DACH1: variants seen among roughly 807,000 people sequenced by gnomAD.
DACH1 encodes dachshund family transcription factor 1.
DACH1 carries 12 observed loss-of-function variants against 54.2 expected under a neutral mutation model. That is an observed-to-expected ratio of 0.22 (90% CI 0.14 to 0.36). The LOEUF (loss-of-function observed/expected upper bound fraction) is 0.36. DACH1 is among the 10% of genes least tolerant of loss of function. The pLI is 1.00. For missense variants in DACH1, 805 were observed against 929.8 expected (o/e 0.87, Z 1.75); for synonymous variants, 386 against 366.2 (o/e 1.05, Z -0.62).
intron 1 of DACH1, among the ~76,000 whole-genome samples, chr13:71,737,551 T>C (rs1884193874): frequency 6.6e-6 from 1 of 152,220 alleles, no homozygotes; most frequent in Non-Finnish European, 1.5e-5. Flanking sequence ...TTGGAAACCA[T>C]ACTAAGCCTT....
chr13:71,810,826 T>C (rs960982840), intron 1 of DACH1, among the ~76,000 whole-genome samples: 1 of 152,190 alleles, frequency 6.6e-6, no homozygotes, highest in African/African-American at 2.4e-5. Context: ...GATTTTATGA[T>C]ACAGTACATT....
At chr13:71,743,480 T>C (rs185153361) in intron 1 of DACH1, among the ~76,000 whole-genome samples, 1 of 152,320 alleles carries the variant, frequency 6.6e-6, no homozygotes, top group East Asian at 1.9e-4. Flanking sequence ...GTTTTGCTTT[T>C]TCGCACAGTC....
At chr13:71,709,501 T>TAGTATAC (rs1247903792) in intron 1 of DACH1, among the ~76,000 whole-genome samples, 1 of 151,984 alleles carries the variant, frequency 6.6e-6, no homozygotes, top group African/African-American at 2.4e-5. Flanking sequence ...ATACCCACTC[T>TAGTATAC]TTAGTCACTT....
chr13:71,830,799 C>A (rs1888556327), intron 1 of DACH1, among the ~76,000 whole-genome samples: 1 of 151,828 alleles, frequency 6.6e-6, no homozygotes, highest in African/African-American at 2.4e-5. Context: ...ATCTTATTTA[C>A]TTTTGGATTT....
At chr13:71,561,827 C>T (rs566457915) in intron 4 of DACH1, among the ~76,000 whole-genome samples, 23 of 152,156 alleles carry the variant, frequency 1.5e-4, no homozygotes, top group African/African-American at 5.1e-4. Context: ...TGCCAATAAA[C>T]ATCTTCAACA....
chr13:71,836,349 AT>A (rs1226945436), intron 1 of DACH1, among the ~76,000 whole-genome samples: 6 of 152,096 alleles, frequency 3.9e-5, no homozygotes, highest in African/African-American at 1.4e-4. Context: ...AGTGCTTAAT[AT>A]GCATAATTTC....
At chr13:71,631,287 GA>G (rs1292171702) in intron 2 of DACH1, among the ~76,000 whole-genome samples, 4 of 152,076 alleles carry the variant, frequency 2.6e-5, no homozygotes, top group Non-Finnish European at 5.9e-5. Context: ...TCATCCTCCT[GA>G]AAAAAGCTAC....
intron 1 of DACH1, among the ~76,000 whole-genome samples, chr13:71,816,048 G>GCA (rs1216788087): frequency 2.0e-5 from 3 of 151,836 alleles, no homozygotes. Context: ...TCGCGCCACT[G>GCA]CACTCCAGCC....
chr13:71,621,940 T>A (rs1876275817), intron 3 of DACH1, among the ~76,000 whole-genome samples: 1 of 152,070 alleles, frequency 6.6e-6, no homozygotes, highest in Non-Finnish European at 1.5e-5. Flanking sequence ...TGTGTTTCCA[T>A]TATGACCTGC....
At chr13:71,628,027 G>C (rs1476396008) in intron 3 of DACH1, among the ~76,000 whole-genome samples, 2 of 152,032 alleles carry the variant, frequency 1.3e-5, no homozygotes, top group Non-Finnish European at 2.9e-5. Flanking sequence ...AATGTGACAA[G>C]TATTTTAATT....
At chr13:71,634,877 C>G (rs186576768) in intron 2 of DACH1, among the ~76,000 whole-genome samples, 99 of 152,268 alleles carry the variant, frequency 6.5e-4, no homozygotes, top group African/African-American at 2.3e-3. Flanking sequence ...TCTGGTTAAT[C>G]TTACTATTCT....
At chr13:71,673,122 G>T (rs2138680834) in intron 2 of DACH1, among the ~76,000 whole-genome samples, 1 of 152,264 alleles carries the variant, frequency 6.6e-6, no homozygotes, top group Non-Finnish European at 1.5e-5. Flanking sequence ...CTGGAAGAGA[G>T]AAATAAATTA....
chr13:71,471,428 T>C (rs1159207357), intron 10 of DACH1, among the ~76,000 whole-genome samples: 1 of 151,920 alleles, frequency 6.6e-6, no homozygotes, highest in Non-Finnish European at 1.5e-5. Context: ...TCTGAGTGGA[T>C]TGGAAAAATG....
At chr13:71,731,289 T>TC (rs1189385707) in intron 1 of DACH1, among the ~76,000 whole-genome samples, 6 of 147,764 alleles carry the variant, frequency 4.1e-5, no homozygotes, top group Admixed American at 2.7e-4. Flanking sequence ...TTCTTGATCT[T>TC]CTTTTTTTTT....
chr13:71,674,788 G>GA (rs375954610), intron 2 of DACH1, among the ~76,000 whole-genome samples: 1,419 of 34,090 alleles, frequency 0.042, 13 homozygotes, highest in African/African-American at 0.13. Flanking sequence ...TTACAAAAAG[G>GA]AAAAAAAAAA....
chr13:71,533,832 C>T (rs1275133558), intron 6 of DACH1, among the ~76,000 whole-genome samples: 2 of 151,722 alleles, frequency 1.3e-5, no homozygotes, highest in African/African-American at 2.4e-5. Context: ...TAAAAGAGTA[C>T]TGAGGAATAG....
intron 2 of DACH1, among the ~76,000 whole-genome samples, chr13:71,677,220 G>T (rs1456831480): frequency 2.0e-5 from 3 of 152,170 alleles, no homozygotes; most frequent in East Asian, 1.9e-4. Context: ...TTGCTAGGAT[G>T]AATTATTTCA....
intron 1 of DACH1, among the ~76,000 whole-genome samples, chr13:71,847,227 G>T (rs1236139659): frequency 6.6e-6 from 1 of 151,864 alleles, no homozygotes; most frequent in Non-Finnish European, 1.5e-5. Context: ...TCATTTGTTT[G>T]TTTTTATTTC....
At chr13:71,807,419 CA>C (rs10688170) in intron 1 of DACH1, among the ~76,000 whole-genome samples, 109 of 99,676 alleles carry the variant, frequency 1.1e-3, no homozygotes, top group Admixed American at 1.8e-3. Context: ...TCACAGATTG[CA>C]AAAAAAAAAA....
Sources: gnomAD v4.1 joint callset for allele counts (sites outside exome capture counted in the v4.1 genomes callset) on GRCh38, gnomAD v4.1.1 for gene constraint, MANE v1.5 for transcripts, NCBI Gene and HGNC (gene_info 2026-07-23, HGNC 2026-07-21) for gene names.